Variants in WT1 observed in about 807,000 individuals in gnomAD.
WT1 encodes WT1 transcription factor.
A neutral mutation model predicts 60.8 loss-of-function variants in WT1; 8 were observed. The ratio of observed to expected loss-of-function variants is 0.13; its 90% confidence interval spans 0.08 to 0.24. The LOEUF (loss-of-function observed/expected upper bound fraction) is 0.24. Among genes scored for constraint, WT1 ranks in the 10% least tolerant of loss-of-function variants. The pLI, the probability that WT1 is intolerant of heterozygous loss-of-function variation, is 1.00. For missense variants in WT1, 568 were observed against 711.8 expected (o/e 0.80, Z 2.30); for synonymous variants, 312 against 297.1 (o/e 1.05, Z -0.52).
rs1307654593 is a variant in WT1, at chr11:32,415,376, C to T, written c.1016+1114G>A. Among the ~76,000 whole-genome samples, 6 of 152,124 alleles carry T rather than the reference C, an allele frequency of 3.9e-5. No homozygotes were observed. The East Asian group carries it at 7.7e-4, about 20-fold the overall frequency. ...TAAGAACAGGTAGAAAGGCCAGGCA[C>T]GGTGGCTCACGCCTGTAATCCCAGC... On this transcript the variant is annotated intron_variant, in intron 5 of 9. Transcript: ENST00000452863.
intron 6 of WT1, among the ~76,000 whole-genome samples, chr11:32,397,703 C>G (rs910671818): frequency 1.3e-5 from 2 of 152,154 alleles, no homozygotes; most frequent in Admixed American, 1.3e-4. Flanking sequence ...TTCCACTCTA[C>G]CCCATGCTTA....
At chr11:32,404,265 T>C (rs1197331161) in intron 5 of WT1, among the ~76,000 whole-genome samples, 9 of 108,520 alleles carry the variant, frequency 8.3e-5, no homozygotes, top group Admixed American at 7.5e-4. Flanking sequence ...CAAGACTCTG[T>C]CTCAAAAAAA....
intron 5 of WT1, among the ~76,000 whole-genome samples, chr11:32,408,054 C>G (rs1449449048): frequency 1.3e-5 from 2 of 150,976 alleles, no homozygotes; most frequent in South Asian, 2.1e-4. Flanking sequence ...GAAAACTCAT[C>G]TCTACTAAAA....
chr11:32,400,137 A>G (rs975142741), intron 5 of WT1, 93 bp from the exon 6 acceptor site: 1 of 1,474,744 alleles, frequency 6.8e-7, no homozygotes, highest in African/African-American at 1.4e-5. Context: ...GATGGTTTTT[A>G]AAGCTCACAG....
intron 3 of WT1, among the ~76,000 whole-genome samples, chr11:32,422,618 T>C (rs1354142309): frequency 6.6e-6 from 1 of 152,214 alleles, no homozygotes; most frequent in East Asian, 1.9e-4. Flanking sequence ...CCCACTGAGT[T>C]ATGGAACCCA....
intron 5 of WT1, among the ~76,000 whole-genome samples, chr11:32,410,337 T>C (rs1001328193): frequency 6.6e-6 from 1 of 152,154 alleles, no homozygotes; most frequent in Admixed American, 6.5e-5. Flanking sequence ...ACAAAACCAC[T>C]CCTTCTCCCG....
chr11:32,430,755 C>T, intron 1 of WT1: 1 of 1,340,254 alleles, frequency 7.5e-7, no homozygotes, highest in Non-Finnish European at 9.5e-7. Context: ...CCTCGGCGGG[C>T]AAAGACCGGC....
In WT1 at chr11:32,400,040, T is replaced by G; in HGVS notation, c.1021A>C (p.Ser341Arg). Residue 341 changes from serine (S) to arginine (R), a missense_variant, in exon 6 of 10, where the codon AGC becomes CGC. By Grantham distance (110) the Ser-to-Arg change is moderately radical (BLOSUM62 -1). This residue lies in a region of WT1 where 523 missense variants were observed against 565.1 expected (regional missense o/e 0.93). Transcript: ENST00000452863. The stretch of plus-strand genomic sequence containing the variant: ...TGGTTATCGCTCTCGTACCCTGTGC[T>G]GTGGCTGCAAACACAAAGAAGGGAA... 1 of 1,614,208 alleles carries G rather than the reference T, an allele frequency of 6.2e-7. No individual in the cohort carries two copies. The highest frequency in any genetic ancestry group is 8.5e-7 in the Non-Finnish European group (1 of 1,180,036).
chr11:32,394,550 A>T (rs2132930665), intron 7 of WT1, among the ~76,000 whole-genome samples: 1 of 152,348 alleles, frequency 6.6e-6, no homozygotes, highest in Non-Finnish European at 1.5e-5. Flanking sequence ...AGTTAAAAAG[A>T]AGGAGTTTGA....
At chr11:32,430,447 A>AGAGAGG (rs1853247800) in intron 1 of WT1, 1 of 1,121,462 alleles carries the variant, frequency 8.9e-7, no homozygotes, top group African/African-American at 2.0e-5. Context: ...AGAGAGAGAG[A>AGAGAGG]GAGGGAGGGA....
rs1473590912 is a variant in WT1, at chr11:32,435,010, G to T, written c.351C>A (p.Gly117=). The T allele has an allele frequency of 2.7e-6, 4 of 1,488,272 alleles. No individual in the cohort carries two copies. The South Asian group carries it at 4.0e-5, about 15-fold the overall frequency. 92.2% of individuals were successfully genotyped at this position (1,488,272 alleles called of 1,614,324 possible). ...CGCCCAACGACCCGTAAGCCGAAGC[G>T]CCCGGGGGCGCAAAGTCCAGCACCG... The change falls in exon 1 of 10, where the codon GGC becomes GGA. Residue 117 remains glycine, a synonymous_variant. Transcript: ENST00000452863.
chr11:32,410,243 C>A (rs79707796), intron 5 of WT1, among the ~76,000 whole-genome samples: 3,290 of 152,168 alleles, frequency 0.022, 119 homozygotes, highest in African/African-American at 0.075. Flanking sequence ...TTTTTTCCTC[C>A]TCTTGATCAT....
At chr11:32,408,096 G>T (rs1036042504) in intron 5 of WT1, among the ~76,000 whole-genome samples, 5 of 151,498 alleles carry the variant, frequency 3.3e-5, no homozygotes, top group African/African-American at 1.2e-4. Context: ...GGTGGCATTT[G>T]CCTGTAATCC....
At chr11:32,404,892 C>T (rs1256710458) in intron 5 of WT1, among the ~76,000 whole-genome samples, 1 of 152,158 alleles carries the variant, frequency 6.6e-6, no homozygotes, top group Non-Finnish European at 1.5e-5. Flanking sequence ...TCCAAGAATT[C>T]ATGCTAACTC....
At chr11:32,411,827 T>C (rs571820791) in intron 5 of WT1, among the ~76,000 whole-genome samples, 2 of 152,290 alleles carry the variant, frequency 1.3e-5, no homozygotes, top group Admixed American at 1.3e-4. Context: ...CATTCTTCGT[T>C]CTGGTTGGCA....
chr11:32,431,395 C>G (rs1853303545), intron 1 of WT1, among the ~76,000 whole-genome samples: 2 of 151,618 alleles, frequency 1.3e-5, no homozygotes, highest in Non-Finnish European at 1.5e-5. Flanking sequence ...GTTCTGCGAG[C>G]CTGCGGGGCT....
At chr11:32,400,313 G>C (rs903596051) in intron 5 of WT1, 3 of 527,666 alleles carry the variant, frequency 5.7e-6, no homozygotes, top group Admixed American at 3.0e-5. Context: ...CAGACAAGCC[G>C]AGGAAGACCA....
chr11:32,408,540 A>AAAAAG (rs1852396811), intron 5 of WT1, among the ~76,000 whole-genome samples: 1 of 137,312 alleles, frequency 7.3e-6, no homozygotes, highest in Non-Finnish European at 1.5e-5. Context: ...AAAAAAAAAA[A>AAAAAG]AAAGAAAGAA....
chr11:32,416,737 T>C (rs1292216293), intron 4 of WT1, among the ~76,000 whole-genome samples, 197 bp from the exon 5 acceptor site: 15 of 152,164 alleles, frequency 9.9e-5, no homozygotes, highest in Non-Finnish European at 2.2e-4. Flanking sequence ...TGCAAAGAGC[T>C]TGGGCTTTGG....
Sources: gnomAD v4.1 joint callset for allele counts (sites outside exome capture counted in the v4.1 genomes callset) on GRCh38, gnomAD v4.1.1 for gene constraint, gnomAD v4.1.1 regional missense constraint, MANE v1.5 for transcripts, NCBI Gene and HGNC (gene_info 2026-07-23, HGNC 2026-07-21) for gene names.